C2orf80: variants seen among roughly 807,000 people sequenced by gnomAD.
C2orf80 encodes uncharacterized protein C2orf80.
A neutral mutation model predicts 30.2 loss-of-function variants in C2orf80; 28 were observed. The observed-to-expected ratio is 0.93, with a 90% CI of 0.69 to 1.27. C2orf80 has a LOEUF of 1.27. Among genes scored for constraint, C2orf80 ranks in the 50% most tolerant of loss-of-function variants. C2orf80 has a pLI of 0.00. For synonymous variants in C2orf80, 80 were observed against 76.4 expected (o/e 1.05, Z -0.24); for missense variants, 220 against 231.0 (o/e 0.95, Z 0.31).
At chr2:208,181,352 T>G in intron 4 of C2orf80, 47 bp from the exon 5 acceptor site, 1 of 1,248,478 alleles carries the variant, frequency 8.0e-7, no homozygotes, top group Non-Finnish European at 1.2e-6. Context: ...TCTTGTTCTT[T>G]TTGATGCCTG....
intron 8 of C2orf80, among the ~76,000 whole-genome samples, chr2:208,169,154 T>C (rs1696007307): frequency 6.6e-6 from 1 of 152,018 alleles, no homozygotes; most frequent in Admixed American, 6.6e-5. Context: ...TGAGTAATCT[T>C]TAGAGGTAGG....
chr2:208,170,357 C>T (rs538005282), intron 8 of C2orf80, among the ~76,000 whole-genome samples: 6 of 152,172 alleles, frequency 3.9e-5, no homozygotes, highest in African/African-American at 9.6e-5. Flanking sequence ...GAACAAAGAG[C>T]CCTCCTCCCT....
Position 208,168,401 on chromosome 2 carries a change from C to T in C2orf80, c.573+2544G>A, listed in dbSNP as rs567207274. 49 of 304,492 alleles carry T rather than the reference C, an allele frequency of 1.6e-4. 1 individual carries two copies. The highest frequency in any genetic ancestry group is 2.9e-4 in the Non-Finnish European group (46 of 158,956). The allele number at this position is 304,492 out of a possible 1,614,324, so 18.9% of individuals were successfully genotyped here. A position where few individuals can be genotyped will look rare whatever the true frequency, so the allele number is the denominator to read the frequency against. ...CATTACCCAAGAGTTGGGCCGGGCG[C>T]GGTGGCTCAAGCCTGTAATCCCAGC... On this transcript the variant is annotated intron_variant, in intron 8 of 8. Transcript: ENST00000341287.
chr2:208,166,456 A>T (rs917023493), intron 8 of C2orf80, among the ~76,000 whole-genome samples: 1 of 152,128 alleles, frequency 6.6e-6, no homozygotes, highest in African/African-American at 2.4e-5. Flanking sequence ...AACCAATCCT[A>T]CCCAAAGCAA....
chr2:208,180,927 T>C (rs1696537278), intron 5 of C2orf80, 111 bp from the exon 6 acceptor site: 1 of 901,014 alleles, frequency 1.1e-6, no homozygotes, highest in Non-Finnish European at 1.7e-6. Context: ...TTGGGTATCA[T>C]AAGTATTAAA....
intron 6 of C2orf80, among the ~76,000 whole-genome samples, chr2:208,176,796 C>T (rs527597601): frequency 6.8e-6 from 1 of 147,948 alleles, no homozygotes; most frequent in East Asian, 2.0e-4. Flanking sequence ...CCCAGGAGGC[C>T]AGGCTTTGGA....
chr2:208,173,101 A>G (rs900077528), intron 6 of C2orf80, among the ~76,000 whole-genome samples: 8 of 143,276 alleles, frequency 5.6e-5, no homozygotes, highest in African/African-American at 2.1e-4. Flanking sequence ...CCTGGGCAAC[A>G]AGAGTTAAAA....
intron 3 of C2orf80, among the ~76,000 whole-genome samples, chr2:208,184,401 G>A (rs1230207703): frequency 5.9e-5 from 9 of 152,214 alleles, no homozygotes; most frequent in Non-Finnish European, 1.5e-5. Flanking sequence ...GGAGTGGAGG[G>A]AGAGAGTCTT....
At chr2:208,168,349 A>G in intron 8 of C2orf80, 1 of 330,812 alleles carries the variant, frequency 3.0e-6, no homozygotes, top group Non-Finnish European at 5.8e-6. Context: ...TACACTATTA[A>G]AATTTTTAAA....
At chr2:208,166,806 C>T (rs974129456) in intron 8 of C2orf80, among the ~76,000 whole-genome samples, 2 of 152,068 alleles carry the variant, frequency 1.3e-5, no homozygotes, top group African/African-American at 2.4e-5. Flanking sequence ...GGCGCCACCA[C>T]GCCCAACTAA....
rs191735608 is a variant in C2orf80, at chr2:208,184,940, C to A, written c.123+11G>T. On this transcript the variant is annotated intron_variant, in intron 3 of 8. Coordinates refer to ENST00000341287, the MANE Select transcript of C2orf80 (RefSeq NM_001099334.3). ...CACAAATATGACTCGCATCAGCGTG[C>A]CTTTCTTTACCATATCATCTAGAAA... 6.2e-5 allele frequency: 99 copies of A among 1,608,098 alleles called. No individual in the cohort carries two copies. The Admixed American group carries it at 6.3e-4, about 10-fold the overall frequency.
intron 6 of C2orf80, among the ~76,000 whole-genome samples, chr2:208,178,753 A>G (rs1333019260): frequency 1.3e-5 from 2 of 151,272 alleles, no homozygotes; most frequent in Non-Finnish European, 3.0e-5. Context: ...CATCCCTAAA[A>G]TTTTTTTTTA....
chr2:208,177,300 G>A (rs1257332280), intron 6 of C2orf80, among the ~76,000 whole-genome samples: 1 of 151,556 alleles, frequency 6.6e-6, no homozygotes, highest in Non-Finnish European at 1.5e-5. Context: ...CCAGCACTTT[G>A]GGAGGCTGAG....
intron 6 of C2orf80, among the ~76,000 whole-genome samples, chr2:208,179,661 G>A (rs544298384): frequency 2.6e-5 from 4 of 151,704 alleles, no homozygotes; most frequent in Admixed American, 6.6e-5. Flanking sequence ...ACATTTACAA[G>A]TGGCAAAAAT....
At chr2:208,171,472 C>T (rs1032737258) in intron 7 of C2orf80, among the ~76,000 whole-genome samples, 20 of 152,280 alleles carry the variant, frequency 1.3e-4, no homozygotes, top group Admixed American at 2.6e-4. Flanking sequence ...AGGCGCCTAC[C>T]ACCACACCCA....
chr2:208,180,824 A>G lies in C2orf80; in HGVS notation c.295-8T>C. 1 of 1,610,020 alleles carries G rather than the reference A, an allele frequency of 6.2e-7. No individual in the cohort carries two copies. The highest frequency in any genetic ancestry group is 1.3e-5 in the African/African-American group (1 of 74,872). ...CTCAATCGGGATACTGTTCTGTTAA[A>G]CAACAACAGCAATAACAAAGTATGA... On this transcript the variant is annotated splice_polypyrimidine_tract_variant and splice_region_variant and intron_variant, in intron 5 of 8. Transcript: ENST00000341287.
At chr2:208,174,665 G>A (rs530270730) in intron 6 of C2orf80, among the ~76,000 whole-genome samples, 3 of 152,326 alleles carry the variant, frequency 2.0e-5, no homozygotes, top group East Asian at 3.9e-4. Context: ...TAACTTATCC[G>A]AAGACACACA....
intron 4 of C2orf80, among the ~76,000 whole-genome samples, chr2:208,182,440 C>G (rs1696588458): frequency 6.6e-6 from 1 of 152,214 alleles, no homozygotes; most frequent in African/African-American, 2.4e-5. Context: ...GAGTCTCACT[C>G]TGTTGCCCAG....
chr2:208,168,219 A>T (rs1364455181), intron 8 of C2orf80, among the ~76,000 whole-genome samples: 3 of 152,208 alleles, frequency 2.0e-5, no homozygotes, highest in Non-Finnish European at 4.4e-5. Context: ...ATTAAATACC[A>T]TAAGAAATAT....
Sources: allele counts gnomAD v4.1 joint callset (sites outside exome capture counted in the v4.1 genomes callset), GRCh38; gene constraint gnomAD v4.1.1; transcripts MANE v1.5; gene names NCBI Gene and HGNC (gene_info 2026-07-23, HGNC 2026-07-21).